SLC35D4: variants seen among roughly 807,000 people sequenced by gnomAD.
SLC35D4 encodes the protein solute carrier family 35 member D4.
the SLC35D4 span, among the ~76,000 whole-genome samples, chr18:23,371,943 T>TGTTTTTTTTTG: frequency 1.8e-4 from 6 of 33,110 alleles, no homozygotes; most frequent in East Asian, 9.6e-4. Flanking sequence ...TTGTTTTTTT[T>TGTTTTTTTTTG]TTTTTTTTTT....
At chr18:23,417,955 A>G in the SLC35D4 span, among the ~76,000 whole-genome samples, 1 of 152,182 alleles carries the variant, frequency 6.6e-6, no homozygotes, top group African/African-American at 2.4e-5. Flanking sequence ...ATTTGGAGCC[A>G]GGGTCCTTCA....
chr18:23,242,556 CTT>C, the SLC35D4 span, among the ~76,000 whole-genome samples: 1 of 152,136 alleles, frequency 6.6e-6, no homozygotes, highest in Non-Finnish European at 1.5e-5. Flanking sequence ...TTTTCCCCCT[CTT>C]TATGGGTGTG....
chr18:23,434,875 A>G, the SLC35D4 span, among the ~76,000 whole-genome samples: 19,388 of 152,006 alleles, frequency 0.13, 1,349 homozygotes, highest in Middle Eastern at 0.19. Flanking sequence ...ATGTACATCC[A>G]GGCCAGGAGT....
chr18:23,334,053 T>C, the SLC35D4 span, among the ~76,000 whole-genome samples: 1 of 152,166 alleles, frequency 6.6e-6, no homozygotes, highest in Admixed American at 6.5e-5. Context: ...CTGGGAAGTA[T>C]AGTTACCTGA....
the SLC35D4 span, among the ~76,000 whole-genome samples, chr18:23,328,510 C>A: frequency 6.6e-6 from 1 of 152,102 alleles, no homozygotes; most frequent in Non-Finnish European, 1.5e-5. Flanking sequence ...ATGTAAAGGA[C>A]CTCCTCAAGG....
At chr18:23,354,205 CAA>C in the SLC35D4 span, among the ~76,000 whole-genome samples, 1 of 152,010 alleles carries the variant, frequency 6.6e-6, no homozygotes, top group Non-Finnish European at 1.5e-5. Flanking sequence ...ACCAGCTAGA[CAA>C]AGAGTGAGAT....
At chr18:23,365,660 A>G in the SLC35D4 span, 5 of 1,613,694 alleles carry the variant, frequency 3.1e-6, no homozygotes, top group Non-Finnish European at 4.2e-6. Context: ...AAATGCCAGG[A>G]GCACCACACT....
At chr18:23,367,600 C>T in the SLC35D4 span, among the ~76,000 whole-genome samples, 1 of 151,962 alleles carries the variant, frequency 6.6e-6, no homozygotes, top group East Asian at 1.9e-4. Flanking sequence ...CTGTGACCTC[C>T]TTGGGGGCAA....
the SLC35D4 span, among the ~76,000 whole-genome samples, chr18:23,355,328 C>T: frequency 8.5e-5 from 13 of 152,300 alleles, no homozygotes; most frequent in Admixed American, 2.6e-4. Context: ...CTGTGCTGCT[C>T]TGTTCCAAAT....
chr18:23,327,378 A>T, the SLC35D4 span, among the ~76,000 whole-genome samples: 1 of 152,242 alleles, frequency 6.6e-6, no homozygotes, highest in Non-Finnish European at 1.5e-5. Context: ...ATCACCACTG[A>T]TCCCACAGAA....
chr18:23,281,084 T>C, the SLC35D4 span, among the ~76,000 whole-genome samples: 1 of 151,932 alleles, frequency 6.6e-6, no homozygotes, highest in South Asian at 2.1e-4. Flanking sequence ...GGCCAATCCA[T>C]AGAGACAGAA....
At chr18:23,361,233 T>C in the SLC35D4 span, among the ~76,000 whole-genome samples, 1 of 152,062 alleles carries the variant, frequency 6.6e-6, no homozygotes, top group Admixed American at 6.6e-5. Context: ...ACTATCCCTA[T>C]GGAGACTGAC....
chr18:23,283,913 T>C, the SLC35D4 span, among the ~76,000 whole-genome samples: 1 of 152,204 alleles, frequency 6.6e-6, no homozygotes, highest in East Asian at 1.9e-4. Context: ...CTTGATTATA[T>C]GCTAAACAAA....
the SLC35D4 span, among the ~76,000 whole-genome samples, chr18:23,418,374 A>G: frequency 2.7e-5 from 4 of 148,098 alleles, no homozygotes; most frequent in Admixed American, 2.7e-4. Flanking sequence ...TATTATTATT[A>G]TTATTATTAT....
the SLC35D4 span, among the ~76,000 whole-genome samples, chr18:23,405,013 A>C: frequency 3.3e-5 from 5 of 150,460 alleles, no homozygotes; most frequent in African/African-American, 4.9e-5. Context: ...AAAAAAAAAA[A>C]AAAAAAAAAA....
chr18:23,302,751 G>C, the SLC35D4 span, among the ~76,000 whole-genome samples: 1 of 152,206 alleles, frequency 6.6e-6, no homozygotes, highest in Admixed American at 6.5e-5. Context: ...GGCTGGAGCA[G>C]GGTCCTCCAG....
At chr18:23,246,179 G>A in the SLC35D4 span, among the ~76,000 whole-genome samples, 4 of 151,652 alleles carry the variant, frequency 2.6e-5, no homozygotes, top group South Asian at 2.1e-4. Context: ...CAAAAGAATC[G>A]CTTGAACCTG....
chr18:23,394,194 C>A, the SLC35D4 span, among the ~76,000 whole-genome samples: 9 of 152,336 alleles, frequency 5.9e-5, no homozygotes, highest in East Asian at 1.7e-3. Context: ...AGGGTTCCAA[C>A]TTCTCCACAT....
chr18:23,282,672 C>T, the SLC35D4 span, among the ~76,000 whole-genome samples: 1 of 152,238 alleles, frequency 6.6e-6, no homozygotes, highest in African/African-American at 2.4e-5. Flanking sequence ...CCCAGTGACC[C>T]CAGGGTAGGG....
Sources: allele counts gnomAD v4.1 joint callset (sites outside exome capture counted in the v4.1 genomes callset), GRCh38; gene constraint gnomAD v4.1.1; transcripts MANE v1.5; gene names NCBI Gene and HGNC (gene_info 2026-07-23, HGNC 2026-07-21).